Variants in FBXL17 observed in about 807,000 individuals in gnomAD.
FBXL17 encodes the protein F-box and leucine rich repeat protein 17, also known as F-box/LRR-repeat protein 17.
A neutral mutation model predicts 66.2 loss-of-function variants in FBXL17; 22 were observed. The observed-to-expected ratio is 0.33, with a 90% CI of 0.24 to 0.47. The LOEUF is 0.47. FBXL17 is among the 20% of genes least tolerant of loss of function. The pLI is 1.00. For missense variants in FBXL17, 878 were observed against 948.2 expected (o/e 0.93, Z 0.97); for synonymous variants, 474 against 400.5 (o/e 1.18, Z -2.19).
chr5:107,927,657 G>A (rs1323695164), intron 7 of FBXL17, among the ~76,000 whole-genome samples: 1 of 152,046 alleles, frequency 6.6e-6, no homozygotes, highest in East Asian at 1.9e-4. Flanking sequence ...GATTGTATTT[G>A]TCACTAGCAT....
chr5:108,200,694 A>AAT (rs1753856779), intron 5 of FBXL17, among the ~76,000 whole-genome samples: 1 of 147,784 alleles, frequency 6.8e-6, no homozygotes, highest in Non-Finnish European at 1.5e-5. Flanking sequence ...TTTTTCTTGA[A>AAT]AAAAAAAAAA....
intron 7 of FBXL17, among the ~76,000 whole-genome samples, chr5:107,893,887 CTG>C (rs1749286392): frequency 6.6e-6 from 1 of 152,174 alleles, no homozygotes; most frequent in Non-Finnish European, 1.5e-5. Flanking sequence ...ACATAACCCT[CTG>C]TGCCGAGTAA....
In FBXL17 at chr5:108,200,225, A is replaced by G. The variant is rs976105879; in HGVS notation, c.1615-13978T>C. Among the ~76,000 whole-genome samples the G allele has an allele frequency of 2.0e-5, 3 of 152,112 alleles. No homozygotes were observed. The South Asian group carries it at 6.2e-4, about 32-fold the overall frequency. Reference sequence around the variant, plus strand: ...ATTGTAGCTTCTGCCTCCCTGTGGCATTCCTGTCTCCCACTAAATGCAGCC... The same window carrying G: ...ATTGTAGCTTCTGCCTCCCTGTGGCGTTCCTGTCTCCCACTAAATGCAGCC... On this transcript the variant is annotated intron_variant, in intron 5 of 8. Coordinates refer to ENST00000542267, the MANE Select transcript of FBXL17 (RefSeq NM_001163315.3).
chr5:108,364,057 T>C (rs540957463), intron 3 of FBXL17, among the ~76,000 whole-genome samples: 1 of 152,134 alleles, frequency 6.6e-6, no homozygotes, highest in East Asian at 1.9e-4. Context: ...ACATTCTTAA[T>C]ATATAAGTTG....
chr5:108,190,358 C>A (rs115526495), intron 5 of FBXL17, among the ~76,000 whole-genome samples: 1,714 of 152,106 alleles, frequency 0.011, 34 homozygotes, highest in African/African-American at 0.039. Context: ...CCACTCTTGT[C>A]AGAAGAAAGA....
chr5:108,186,092 A>G (rs1371096237), intron 6 of FBXL17, 25 bp downstream of exon 6: 1 of 1,578,316 alleles, frequency 6.3e-7, no homozygotes, highest in Non-Finnish European at 8.7e-7. Context: ...CTAGAAAAGT[A>G]TTTTTAACAT....
Position 107,974,109 on chromosome 5 carries a change from GT to G in FBXL17, c.1822+46815del, listed in dbSNP as rs1752493952. On this transcript the variant is annotated intron_variant, in intron 7 of 8. Coordinates refer to ENST00000542267, the MANE Select transcript of FBXL17 (RefSeq NM_001163315.3). Reference sequence around the variant, plus strand: ...TGCAAAGGGTGATCTTTACTACACTGTTTCTTGTCACTGTGGAACTTTTAAA... The same window carrying G: ...TGCAAAGGGTGATCTTTACTACACTGTTCTTGTCACTGTGGAACTTTTAAA... 2.6e-5 allele frequency among the ~76,000 whole-genome samples: 4 copies of G among 152,214 alleles called. No homozygotes were observed. In the South Asian group the frequency reaches 8.3e-4, roughly 32 times the overall value.
chr5:107,944,027 C>T (rs1400848181), intron 7 of FBXL17, among the ~76,000 whole-genome samples: 1 of 152,156 alleles, frequency 6.6e-6, no homozygotes, highest in African/African-American at 2.4e-5. Flanking sequence ...GTTGCATATG[C>T]TGTGCATTTT....
intron 5 of FBXL17, among the ~76,000 whole-genome samples, chr5:108,220,225 T>G (rs1373168568): frequency 6.6e-6 from 1 of 152,046 alleles, no homozygotes; most frequent in Non-Finnish European, 1.5e-5. Context: ...CCTGGGATTC[T>G]TCTATGCAGT....
At chr5:107,899,929 C>G (rs1228454798) in intron 7 of FBXL17, among the ~76,000 whole-genome samples, 1 of 152,130 alleles carries the variant, frequency 6.6e-6, no homozygotes. Context: ...GAAATCTGTA[C>G]TTGTACCCCC....
At chr5:107,944,980 G>A (rs1751233025) in intron 7 of FBXL17, among the ~76,000 whole-genome samples, 1 of 151,854 alleles carries the variant, frequency 6.6e-6, no homozygotes, top group Non-Finnish European at 1.5e-5. Context: ...TAAAAGTCAA[G>A]CCATGAATTT....
At chr5:108,274,227 C>T (rs561047780) in intron 4 of FBXL17, among the ~76,000 whole-genome samples, 35 of 152,274 alleles carry the variant, frequency 2.3e-4, no homozygotes, top group East Asian at 1.5e-3. Context: ...GGGCGTGCTA[C>T]GGGAGACTGG....
At chr5:108,046,117 C>CACAT (rs1747245455) in intron 6 of FBXL17, among the ~76,000 whole-genome samples, 1 of 152,186 alleles carries the variant, frequency 6.6e-6, no homozygotes, top group African/African-American at 2.4e-5. Context: ...GTTTTTGCTT[C>CACAT]ACATATTTTC....
chr5:107,910,956 C>T lies in FBXL17; in HGVS notation c.1823-29777G>A, dbSNP rs529984584. 9.2e-5 allele frequency among the ~76,000 whole-genome samples: 14 copies of T among 152,190 alleles called. No individual in the cohort carries two copies. The East Asian group carries it at 2.5e-3, about 27-fold the overall frequency. On this transcript the variant is annotated intron_variant, in intron 7 of 8. Coordinates refer to ENST00000542267, the MANE Select transcript of FBXL17 (RefSeq NM_001163315.3). ...ATGGGAAAATCTAATGCTATAAATA[C>T]GTCCTTTGTCTTCAGAAAAATCATT... is the stretch of plus-strand genomic sequence containing the variant.
At chr5:108,375,221 C>T (rs545245647) in intron 1 of FBXL17, among the ~76,000 whole-genome samples, 8 of 152,076 alleles carry the variant, frequency 5.3e-5, no homozygotes, top group Middle Eastern at 3.4e-3. Flanking sequence ...ACCAGGCATG[C>T]GCCAGCATGC....
At chr5:108,242,121 A>C (rs1175377805) in intron 4 of FBXL17, among the ~76,000 whole-genome samples, 1 of 152,224 alleles carries the variant, frequency 6.6e-6, no homozygotes, top group Non-Finnish European at 1.5e-5. Context: ...AAAAACACAG[A>C]ATATTATAAT....
intron 6 of FBXL17, among the ~76,000 whole-genome samples, chr5:108,040,600 T>G (rs1747008849): frequency 1.3e-5 from 2 of 152,320 alleles, no homozygotes; most frequent in Middle Eastern, 3.4e-3. Flanking sequence ...CAAGAAATAT[T>G]GCTGGATTTT....
intron 8 of FBXL17, among the ~76,000 whole-genome samples, chr5:107,870,408 C>T (rs1748406819): frequency 6.6e-6 from 1 of 152,152 alleles, no homozygotes. Context: ...GCTTCCTCTT[C>T]TTCAGCATCA....
intron 6 of FBXL17, among the ~76,000 whole-genome samples, chr5:108,154,883 C>G (rs1388624792): frequency 6.6e-6 from 1 of 151,214 alleles, no homozygotes; most frequent in Non-Finnish European, 1.5e-5. Context: ...AAGCAGGAAG[C>G]AAAAAATGAA....
Sources: gnomAD v4.1 joint callset for allele counts (sites outside exome capture counted in the v4.1 genomes callset) on GRCh38, gnomAD v4.1.1 for gene constraint, MANE v1.5 for transcripts, NCBI Gene and HGNC (gene_info 2026-07-23, HGNC 2026-07-21) for gene names.